The following FRMD4A variants were observed in gnomAD, a reference collection of about 807,000 sequenced individuals.
FRMD4A encodes FERM domain containing 4A, also known as FERM domain-containing protein 4A.
FRMD4A carries 29 observed loss-of-function variants against 129.1 expected under a neutral mutation model. The observed-to-expected ratio is 0.22, with a 90% CI of 0.17 to 0.31. The LOEUF (loss-of-function observed/expected upper bound fraction) is 0.31. FRMD4A is among the 10% of genes least tolerant of loss of function. The pLI, the probability that FRMD4A is intolerant of heterozygous loss-of-function variation, is 1.00. For synonymous variants in FRMD4A, 634 were observed against 571.6 expected, an observed-to-expected ratio of 1.11 and a Z score of -1.56; for missense variants, 1,272 against 1,375.8, an observed-to-expected ratio of 0.92 and a Z score of 1.19.
At position 13,737,823 on chromosome 10, in the gene FRMD4A, C is replaced by A. The variant is rs751685050; in HGVS notation, c.759+21G>T. The A allele has an allele frequency of 5.0e-6, 7 of 1,398,562 alleles. No homozygotes were observed. The Admixed American group carries it at 6.7e-5, about 13-fold the overall frequency. The allele number at this position is 1,398,562 out of a possible 1,614,324, so 86.6% of individuals were successfully genotyped here. On this transcript the variant is annotated intron_variant, in intron 12 of 24. Transcript: ENST00000357447. ...CTCTGGATCTGAGAGGAGTTAAACCCAAGCAGGAGACCAGCCTTACCTTTC... is the reference window on the plus strand; with the variant it reads ...CTCTGGATCTGAGAGGAGTTAAACCAAAGCAGGAGACCAGCCTTACCTTTC...
chr10:13,903,304 T>C (rs985790432), intron 2 of FRMD4A, among the ~76,000 whole-genome samples: 1 of 152,224 alleles, frequency 6.6e-6, no homozygotes, highest in African/African-American at 2.4e-5. Context: ...TAACAGACTG[T>C]ACCATTTATT....
chr10:14,204,684 C>G (rs1216656910), intron 2 of FRMD4A, among the ~76,000 whole-genome samples: 1 of 152,100 alleles, frequency 6.6e-6, no homozygotes, highest in Non-Finnish European at 1.5e-5. Flanking sequence ...AGTAGCAATT[C>G]ACTTATTTCT....
At chr10:14,276,338 G>A (rs756643731) in intron 2 of FRMD4A, among the ~76,000 whole-genome samples, 3 of 152,128 alleles carry the variant, frequency 2.0e-5, no homozygotes, top group African/African-American at 4.8e-5. Flanking sequence ...TCATGAACTG[G>A]TACAGCTTTG....
At chr10:14,117,114 T>C (rs772753122) in intron 2 of FRMD4A, among the ~76,000 whole-genome samples, 8 of 152,212 alleles carry the variant, frequency 5.3e-5, no homozygotes, top group Admixed American at 1.3e-4. Flanking sequence ...GGTAGCTGAT[T>C]CCTGGAAGAC....
intron 2 of FRMD4A, among the ~76,000 whole-genome samples, chr10:13,955,815 G>A (rs1046762082): frequency 6.6e-6 from 1 of 152,234 alleles, no homozygotes; most frequent in South Asian, 2.1e-4. Flanking sequence ...CAATGAAAAG[G>A]AAGGTGGGGC....
chr10:13,734,423 C>G (rs539470599), intron 12 of FRMD4A, among the ~76,000 whole-genome samples: 6 of 152,196 alleles, frequency 3.9e-5, no homozygotes, highest in East Asian at 3.8e-4. Flanking sequence ...CTTCGCAGAG[C>G]CTTCAAGCCT....
intron 12 of FRMD4A, among the ~76,000 whole-genome samples, chr10:13,730,766 C>T (rs1052933637): frequency 6.7e-6 from 1 of 149,824 alleles, no homozygotes; most frequent in Non-Finnish European, 1.5e-5. Context: ...GTAATCCCAT[C>T]ACTTTGGGAG....
At chr10:14,051,719 G>A (rs952025234) in intron 2 of FRMD4A, among the ~76,000 whole-genome samples, 1 of 152,204 alleles carries the variant, frequency 6.6e-6, no homozygotes, top group Admixed American at 6.5e-5. Flanking sequence ...TGTCCCGTGG[G>A]CAGCCTAGTC....
intron 15 of FRMD4A, among the ~76,000 whole-genome samples, chr10:13,676,761 C>T (rs1451177338): frequency 6.6e-6 from 1 of 152,044 alleles, no homozygotes; most frequent in Admixed American, 6.6e-5. Flanking sequence ...GTCCTAAAGA[C>T]CTAAATAGAC....
At chr10:14,131,358 C>A (rs180833808) in intron 2 of FRMD4A, among the ~76,000 whole-genome samples, 20 of 151,984 alleles carry the variant, frequency 1.3e-4, no homozygotes, top group African/African-American at 3.9e-4. Context: ...GCAAAGCCAA[C>A]CTTCCGGCTG....
intron 2 of FRMD4A, among the ~76,000 whole-genome samples, chr10:14,228,417 C>CTCT (rs1420312723): frequency 6.6e-6 from 1 of 152,204 alleles, no homozygotes; most frequent in Non-Finnish European, 1.5e-5. Context: ...CTCCTAAGGG[C>CTCT]TCTGGCTTGG....
chr10:13,799,962 G>A (rs1050567514), intron 4 of FRMD4A, among the ~76,000 whole-genome samples: 4 of 152,034 alleles, frequency 2.6e-5, no homozygotes, highest in Admixed American at 6.6e-5. Flanking sequence ...GGCGGATCAC[G>A]AGGTCAGGAG....
intron 2 of FRMD4A, among the ~76,000 whole-genome samples, chr10:13,964,679 T>G (rs1233024184): frequency 6.6e-6 from 1 of 151,194 alleles, no homozygotes; most frequent in Non-Finnish European, 1.5e-5. Context: ...CTTTTGTTTT[T>G]TTTTTTTTTT....
At chr10:13,784,386 G>C (rs5003969) in intron 5 of FRMD4A, among the ~76,000 whole-genome samples, 44,903 of 151,890 alleles carry the variant, frequency 0.3, 7,437 homozygotes, top group East Asian at 0.52. Context: ...TGACTACAAT[G>C]TAAACAACAA....
At chr10:14,111,843 AG>A (rs1228919146) in intron 2 of FRMD4A, among the ~76,000 whole-genome samples, 1 of 150,960 alleles carries the variant, frequency 6.6e-6, no homozygotes, top group Non-Finnish European at 1.5e-5. Context: ...GTGGAGGGGG[AG>A]GACATCCTGC....
intron 2 of FRMD4A, among the ~76,000 whole-genome samples, chr10:14,322,920 T>C (rs977183351): frequency 3.9e-5 from 6 of 152,252 alleles, no homozygotes; most frequent in Non-Finnish European, 7.3e-5. Flanking sequence ...GATGCACTCA[T>C]AGCTGCCCCA....
chr10:14,019,617 G>A (rs1832637852), intron 2 of FRMD4A, among the ~76,000 whole-genome samples: 1 of 152,128 alleles, frequency 6.6e-6, no homozygotes, highest in African/African-American at 2.4e-5. Flanking sequence ...GCTTTCAAAT[G>A]TTATGAATAT....
intron 2 of FRMD4A, among the ~76,000 whole-genome samples, chr10:14,259,720 A>G (rs1337434439): frequency 6.6e-6 from 1 of 152,224 alleles, no homozygotes; most frequent in Non-Finnish European, 1.5e-5. Flanking sequence ...ATGCACAAAG[A>G]GTTGGTTGCA....
chr10:14,259,151 T>C (rs903095595), intron 2 of FRMD4A, among the ~76,000 whole-genome samples: 3 of 152,190 alleles, frequency 2.0e-5, no homozygotes, highest in Non-Finnish European at 4.4e-5. Flanking sequence ...TTACTATACA[T>C]TAATTATGCC....
Sources: allele counts gnomAD v4.1 joint callset (sites outside exome capture counted in the v4.1 genomes callset), GRCh38; gene constraint gnomAD v4.1.1; transcripts MANE v1.5; gene names NCBI Gene and HGNC (gene_info 2026-07-23, HGNC 2026-07-21).